The following ANO10 variants were observed in gnomAD, a reference collection of about 807,000 sequenced individuals.
ANO10 encodes the protein anoctamin-10.
In ANO10, 77 loss-of-function variants were observed where a neutral mutation model predicts 74.7. That is an observed-to-expected ratio of 1.03 (90% CI 0.86 to 1.25). The LOEUF is 1.25. ANO10 is among the 50% of genes most tolerant of loss of function. The pLI is 0.00. For synonymous variants in ANO10, 279 were observed against 284.9 expected (o/e 0.98, Z 0.21); for missense variants, 721 against 778.1 (o/e 0.93, Z 0.87).
intron 1 of ANO10, among the ~76,000 whole-genome samples, chr3:43,673,384 C>G (rs1160549736): frequency 6.6e-6 from 1 of 152,146 alleles, no homozygotes; most frequent in African/African-American, 2.4e-5. Flanking sequence ...AATAAACAGG[C>G]AACATTAATG....
chr3:43,634,727 G>A (rs1419012726), intron 1 of ANO10, among the ~76,000 whole-genome samples: 1 of 152,126 alleles, frequency 6.6e-6, no homozygotes, highest in Non-Finnish European at 1.5e-5. Context: ...CATGATCCTT[G>A]CCCTCACTGA....
At chr3:43,561,142 G>A in intron 9 of ANO10, 78 bp downstream of exon 9, 3 of 1,472,688 alleles carry the variant, frequency 2.0e-6, no homozygotes, top group East Asian at 2.3e-5. Flanking sequence ...GATCATGAAT[G>A]TATAACATTT....
intron 1 of ANO10, among the ~76,000 whole-genome samples, chr3:43,667,995 C>T (rs2084012866): frequency 1.3e-5 from 2 of 152,132 alleles, no homozygotes; most frequent in African/African-American, 4.8e-5. Flanking sequence ...TCTTTTAGTT[C>T]TTTAAGGAAT....
intron 12 of ANO10, among the ~76,000 whole-genome samples, chr3:43,380,770 A>C (rs567731512): frequency 2.0e-5 from 3 of 152,190 alleles, no homozygotes; most frequent in East Asian, 1.9e-4. Flanking sequence ...GACCTATAAA[A>C]CACCACCACA....
At chr3:43,449,966 G>A (rs973889497) in intron 11 of ANO10, among the ~76,000 whole-genome samples, 76 of 152,248 alleles carry the variant, frequency 5.0e-4, no homozygotes, top group African/African-American at 1.7e-3. Flanking sequence ...TGTCAGTAGA[G>A]TTTAGCAGTT....
chr3:43,367,107 CCTGCA>C, intron 12 of ANO10, 133 bp from the exon 13 acceptor site: 1 of 800,890 alleles, frequency 1.2e-6, no homozygotes, highest in South Asian at 1.5e-5. Context: ...CCTGCAGCTT[CCTGCA>C]AGTCCCTGGG....
At chr3:43,557,664 G>T (rs1383602528) in intron 9 of ANO10, among the ~76,000 whole-genome samples, 1 of 150,868 alleles carries the variant, frequency 6.6e-6, no homozygotes, top group Non-Finnish European at 1.5e-5. Context: ...AAACCTGGGA[G>T]GCGGAGCTTG....
intron 1 of ANO10, among the ~76,000 whole-genome samples, chr3:43,643,039 T>TC (rs2083686683): frequency 6.6e-6 from 1 of 151,306 alleles, no homozygotes; most frequent in African/African-American, 2.4e-5. Flanking sequence ...CTTTTTTCTT[T>TC]TTTTTTTTTT....
intron 11 of ANO10, among the ~76,000 whole-genome samples, chr3:43,468,351 T>C (rs550534213): frequency 1.3e-5 from 2 of 152,310 alleles, no homozygotes; most frequent in South Asian, 4.1e-4. Flanking sequence ...GGCTTATCTC[T>C]GACCCAAAAC....
intron 4 of ANO10, among the ~76,000 whole-genome samples, chr3:43,597,704 ATACATATG>A (rs1468418817): frequency 2.0e-5 from 3 of 152,310 alleles, no homozygotes; most frequent in Admixed American, 2.0e-4. Context: ...TGGCACATGT[ATACATATG>A]TAACAAACTG....
chr3:43,492,069 A>G (rs1306871438), intron 11 of ANO10, among the ~76,000 whole-genome samples: 3 of 152,204 alleles, frequency 2.0e-5, no homozygotes, highest in African/African-American at 7.2e-5. Flanking sequence ...GAAACCGAGC[A>G]GAAAGGCTGA....
chr3:43,391,046 G>A (rs2092261406), intron 12 of ANO10, among the ~76,000 whole-genome samples: 1 of 152,192 alleles, frequency 6.6e-6, no homozygotes, highest in African/African-American at 2.4e-5. Flanking sequence ...ACCAATGGCT[G>A]ACATTCACCC....
intron 12 of ANO10, among the ~76,000 whole-genome samples, chr3:43,377,594 C>T (rs908839213): frequency 5.9e-5 from 9 of 152,284 alleles, no homozygotes; most frequent in East Asian, 3.9e-4. Flanking sequence ...AGGTCTGTGA[C>T]CATCCAAGGC....
rs1266808808 is a variant in ANO10 at position 43,550,022 on chromosome 3, G to A, written c.1669-174C>T. ...TATGATTTTTTTAGCTGAAAAAAAA[G>A]CCATACTGTTAGGCAGTATTTTAGA... On this transcript the variant is annotated intron_variant, in intron 10 of 12. Coordinates refer to ENST00000292246, the MANE Select transcript of ANO10 (RefSeq NM_018075.5). Among the ~76,000 whole-genome samples the A allele has an allele frequency of 2.0e-5, 3 of 151,792 alleles. No individual in the cohort carries two copies. The East Asian group carries it at 5.8e-4, about 29-fold the overall frequency.
chr3:43,407,987 T>C (rs1329614708), intron 12 of ANO10, among the ~76,000 whole-genome samples: 3 of 152,158 alleles, frequency 2.0e-5, no homozygotes, highest in Admixed American at 6.5e-5. Flanking sequence ...TTGAGTCATA[T>C]TTGTATTTGG....
At chr3:43,494,180 G>A (rs910112359) in intron 11 of ANO10, among the ~76,000 whole-genome samples, 4 of 152,200 alleles carry the variant, frequency 2.6e-5, no homozygotes, top group Non-Finnish European at 4.4e-5. Flanking sequence ...GTGGCCAGAC[G>A]TGGTGGCTCA....
chr3:43,504,893 G>A lies in ANO10; in HGVS notation c.1797+44827C>T, dbSNP rs141901614. On this transcript the variant is annotated intron_variant, in intron 11 of 12. Coordinates refer to ENST00000292246, the MANE Select transcript of ANO10 (RefSeq NM_018075.5). Reference sequence around the variant, plus strand: ...CTGACCTCGTAATCCTCCCACCTCTGCCTCCCAAACTGTTGGGATTACAGG... The same window carrying A: ...CTGACCTCGTAATCCTCCCACCTCTACCTCCCAAACTGTTGGGATTACAGG... 5.5e-3 allele frequency among the ~76,000 whole-genome samples: 831 copies of A among 152,170 alleles called. 6 individuals are homozygous for A. Among genetic ancestry groups the A allele is most frequent in the African/African-American group, 0.019 (800 of 41,510 alleles).
At chr3:43,484,534 T>G (rs1407730195) in intron 11 of ANO10, among the ~76,000 whole-genome samples, 1 of 152,178 alleles carries the variant, frequency 6.6e-6, no homozygotes, top group African/African-American at 2.4e-5. Context: ...GGGTAAAATA[T>G]TTCTATCGCC....
intron 12 of ANO10, among the ~76,000 whole-genome samples, chr3:43,412,247 C>T (rs1039183265): frequency 1.3e-5 from 2 of 152,048 alleles, no homozygotes; most frequent in Non-Finnish European, 2.9e-5. Context: ...CTTGGTACCC[C>T]TTAACCACCC....
Sources: gnomAD v4.1 joint callset for allele counts (sites outside exome capture counted in the v4.1 genomes callset) on GRCh38, gnomAD v4.1.1 for gene constraint, MANE v1.5 for transcripts, NCBI Gene and HGNC (gene_info 2026-07-23, HGNC 2026-07-21) for gene names.